Variants in TMC1 observed in about 807,000 individuals in gnomAD.
TMC1 encodes the protein transmembrane channel-like protein 1.
Under a neutral mutation model 105.8 loss-of-function variants are expected in TMC1, and 84 were observed. The observed-to-expected ratio is 0.79, with a 90% CI of 0.67 to 0.95. TMC1 has a LOEUF of 0.95. Ranked by LOEUF, TMC1 falls within the 40% of genes least tolerant of loss-of-function variation. The pLI, the probability that TMC1 is intolerant of heterozygous loss-of-function variation, is 0.00. For missense variants in TMC1, 817 were observed against 914.1 expected, an observed-to-expected ratio of 0.89 and a Z score of 1.37; for synonymous variants, 315 against 311.5, an observed-to-expected ratio of 1.01 and a Z score of -0.12.
intron 23 of TMC1, among the ~76,000 whole-genome samples, chr9:72,834,046 A>G (rs111962915): frequency 0.043 from 6,265 of 147,018 alleles, 161 homozygotes; most frequent in African/African-American, 0.054. Context: ...TTTTTCATGT[A>G]GAATTTCTAA....
chr9:72,786,849 G>A (rs529197620), intron 13 of TMC1, among the ~76,000 whole-genome samples: 4 of 152,200 alleles, frequency 2.6e-5, no homozygotes, highest in African/African-American at 9.6e-5. Context: ...AACTTTGCCA[G>A]TGATAAAACT....
chr9:72,768,326 G>T (rs1387877068), intron 12 of TMC1, among the ~76,000 whole-genome samples: 1 of 151,958 alleles, frequency 6.6e-6, no homozygotes, highest in Non-Finnish European at 1.5e-5. Flanking sequence ...CCTGTTGGGG[G>T]GTTGGGGGCT....
chr9:72,832,350 T>C (rs1462344113), intron 23 of TMC1, among the ~76,000 whole-genome samples: 1 of 152,200 alleles, frequency 6.6e-6, no homozygotes, highest in African/African-American at 2.4e-5. Flanking sequence ...TGGCTGACCT[T>C]TATGGCAGCA....
At chr9:72,559,195 A>C (rs1824001488) in intron 1 of TMC1, among the ~76,000 whole-genome samples, 1 of 151,922 alleles carries the variant, frequency 6.6e-6, no homozygotes, top group South Asian at 2.1e-4. Context: ...CCTGGGTTCA[A>C]GTGATTCTCC....
intron 1 of TMC1, among the ~76,000 whole-genome samples, chr9:72,538,298 G>C (rs1449288878): frequency 1.3e-5 from 2 of 152,098 alleles, no homozygotes; most frequent in Non-Finnish European, 2.9e-5. Flanking sequence ...AACTTGGTAA[G>C]GGAGAGATTC....
chr9:72,668,111 T>G (rs1333378715), intron 5 of TMC1, among the ~76,000 whole-genome samples: 1 of 152,244 alleles, frequency 6.6e-6, no homozygotes, highest in East Asian at 1.9e-4. Flanking sequence ...GCTCTCCAGA[T>G]TTCATTAGAT....
chr9:72,805,422 A>G lies in TMC1; in HGVS notation c.1607A>G (p.Tyr536Cys). Residue 536 changes from tyrosine to cysteine, a missense_variant, in exon 18 of 24, where the codon TAC becomes TGC. By Grantham distance (194) the Tyr-to-Cys change is radical. Transcript: ENST00000297784. ...ACAGTCTCTGATGTTCTGACCACCTACGTCACAATCCTCATTGGGGACTTT... is the reference window on the plus strand; with the variant it reads ...ACAGTCTCTGATGTTCTGACCACCTGCGTCACAATCCTCATTGGGGACTTT... ...RLTVSDVLTT[Y>C]VTILIGDFLR... 1 of 1,613,912 alleles carries G rather than the reference A, an allele frequency of 6.2e-7. No individual in the cohort carries two copies. Among genetic ancestry groups the G allele is most frequent in the East Asian group, 2.2e-5 (1 of 44,868 alleles).
chr9:72,802,150 C>T (rs1828483664), intron 17 of TMC1, among the ~76,000 whole-genome samples: 1 of 152,062 alleles, frequency 6.6e-6, no homozygotes, highest in South Asian at 2.1e-4. Context: ...CCCAGCTACT[C>T]AGGTGGCTGA....
chr9:72,817,969 C>T (rs1042194499), intron 19 of TMC1, among the ~76,000 whole-genome samples: 2 of 152,026 alleles, frequency 1.3e-5, no homozygotes, highest in African/African-American at 4.8e-5. Context: ...GCAAACTGAC[C>T]ATTATTCTAT....
At chr9:72,802,346 A>C (rs1161002516) in intron 17 of TMC1, among the ~76,000 whole-genome samples, 2 of 152,188 alleles carry the variant, frequency 1.3e-5, no homozygotes, top group African/African-American at 4.8e-5. Flanking sequence ...AATTATGTCC[A>C]AAAATAACCA....
intron 1 of TMC1, among the ~76,000 whole-genome samples, chr9:72,575,804 C>T (rs1009430381): frequency 1.3e-5 from 2 of 152,154 alleles, no homozygotes; most frequent in African/African-American, 4.8e-5. Context: ...CAATCCAGGG[C>T]TTGTGACATT....
chr9:72,763,824 G>T (rs923552770), intron 12 of TMC1, among the ~76,000 whole-genome samples: 1 of 151,976 alleles, frequency 6.6e-6, no homozygotes, highest in Non-Finnish European at 1.5e-5. Context: ...TAACTTAAGT[G>T]GGGGGTAGGT....
chr9:72,792,521 G>C lies in TMC1; in HGVS notation c.1566+169G>C, dbSNP rs72733079. The stretch of plus-strand genomic sequence containing the variant: ...AATTTCATGTATATTATCTCACACT[G>C]TTTGCAAATCTATCCCTTGAGGTAA... On this transcript the variant is annotated intron_variant, in intron 17 of 23. Transcript: ENST00000297784. 0.092 allele frequency among the ~76,000 whole-genome samples: 14,076 copies of C among 152,184 alleles called. 715 individuals carry two copies. The highest frequency in any genetic ancestry group is 0.13 in the Non-Finnish European group (8,680 of 67,984).
rs1823314406 is a variant in TMC1 at position 72,521,663 on chromosome 9, A to C, written c.-678A>C. 1 of 152,024 alleles carries C rather than the reference A, an allele frequency of 6.6e-6. No individual in the cohort carries two copies. Among genetic ancestry groups the C allele is most frequent in the Non-Finnish European group, 1.5e-5 (1 of 68,098 alleles). 9.4% of individuals were successfully genotyped at this position (152,024 alleles called of 1,614,324 possible). Reference sequence around the variant, plus strand: ...GAGGCTGAGGCGGGAGAATCGCTTGAACCCGGAAGGCGGAGGTTGCAGTGA... The same window carrying C: ...GAGGCTGAGGCGGGAGAATCGCTTGCACCCGGAAGGCGGAGGTTGCAGTGA... On this transcript the variant is annotated 5_prime_UTR_variant, in exon 1 of 24. Coordinates refer to ENST00000297784, the MANE Select transcript of TMC1 (RefSeq NM_138691.3).
intron 5 of TMC1, among the ~76,000 whole-genome samples, chr9:72,683,327 T>C (rs914145377): frequency 3.9e-5 from 6 of 152,152 alleles, no homozygotes; most frequent in Non-Finnish European, 8.8e-5. Flanking sequence ...GTTCTTGGCA[T>C]AGCTTATATA....
chr9:72,786,016 G>A (rs1828162261), intron 13 of TMC1, among the ~76,000 whole-genome samples: 1 of 152,156 alleles, frequency 6.6e-6, no homozygotes, highest in Non-Finnish European at 1.5e-5. Flanking sequence ...ACATTATAGT[G>A]ACCCTGTTGG....
chr9:72,766,722 G>T (rs1246426455), intron 12 of TMC1, among the ~76,000 whole-genome samples: 1 of 152,174 alleles, frequency 6.6e-6, no homozygotes, highest in African/African-American at 2.4e-5. Context: ...AACACAACTT[G>T]ATTCCCTCTG....
chr9:72,807,851 G>T (rs2118251602), intron 18 of TMC1, among the ~76,000 whole-genome samples: 1 of 152,298 alleles, frequency 6.6e-6, no homozygotes, highest in South Asian at 2.1e-4. Context: ...GGCAGGGGCG[G>T]CTTCTTTTCC....
chr9:72,644,290 T>G (rs1157487017), intron 4 of TMC1, among the ~76,000 whole-genome samples: 1 of 152,096 alleles, frequency 6.6e-6, no homozygotes, highest in Non-Finnish European at 1.5e-5. Context: ...ACTTTATGTT[T>G]TTTTTTATTT....
Sources: gnomAD v4.1 joint callset for allele counts (sites outside exome capture counted in the v4.1 genomes callset) on GRCh38, gnomAD v4.1.1 for gene constraint, MANE v1.5 for transcripts, NCBI Gene and HGNC (gene_info 2026-07-23, HGNC 2026-07-21) for gene names.